Variants in UVRAG observed in about 807,000 individuals in gnomAD.
UVRAG encodes UV radiation resistance associated.
A neutral mutation model predicts 78.0 loss-of-function variants in UVRAG; 19 were observed. That is an observed-to-expected ratio of 0.24 (90% CI 0.17 to 0.36). The LOEUF (loss-of-function observed/expected upper bound fraction) is 0.36. Ranked by LOEUF, UVRAG falls within the 10% of genes least tolerant of loss-of-function variation. The probability of loss-of-function intolerance (pLI) is 1.00; values close to 1 mark genes in which losing one functional copy is unlikely to be tolerated. For missense variants in UVRAG, 740 were observed against 853.8 expected (o/e 0.87, Z 1.66); for synonymous variants, 323 against 324.6 (o/e 1.00, Z 0.05).
chr11:76,088,271 T>G (rs949970915), intron 13 of UVRAG, among the ~76,000 whole-genome samples: 2 of 152,220 alleles, frequency 1.3e-5, no homozygotes, highest in Non-Finnish European at 2.9e-5. Flanking sequence ...TTTTGTCACT[T>G]AAGTAATTCT....
intron 12 of UVRAG, among the ~76,000 whole-genome samples, chr11:76,064,015 G>A (rs552150700): frequency 6.6e-6 from 1 of 152,188 alleles, no homozygotes; most frequent in East Asian, 1.9e-4. Flanking sequence ...CCTAATATTC[G>A]ATCTGTCTTT....
intron 6 of UVRAG, among the ~76,000 whole-genome samples, chr11:75,929,255 A>G (rs1023966515): frequency 1.3e-5 from 2 of 152,214 alleles, no homozygotes; most frequent in African/African-American, 4.8e-5. Flanking sequence ...ATCAAGAAAA[A>G]GAATGCTTGT....
At chr11:75,904,354 G>C (rs557488463) in intron 5 of UVRAG, among the ~76,000 whole-genome samples, 16 of 152,260 alleles carry the variant, frequency 1.1e-4, no homozygotes, top group African/African-American at 2.9e-4. Flanking sequence ...TCTCTTCTGG[G>C]CTCTTTGGCA....
rs1263459161 is a variant in UVRAG, at chr11:75,912,308, T to G, written c.593+269T>G. ...AAAACAGACATGAACTGTTTTCTGGTCTTCTGTACCCTACAGAACAGTAAT... is the reference window on the plus strand; with the variant it reads ...AAAACAGACATGAACTGTTTTCTGGGCTTCTGTACCCTACAGAACAGTAAT... On this transcript the variant is annotated intron_variant, in intron 6 of 14. Transcript: ENST00000356136. 2.0e-5 allele frequency among the ~76,000 whole-genome samples: 3 copies of G among 152,246 alleles called. No homozygotes were observed. The East Asian group carries it at 5.8e-4, about 29-fold the overall frequency.
At chr11:76,020,649 C>CTTTTTTT (rs35112254) in intron 12 of UVRAG, among the ~76,000 whole-genome samples, 3 of 52,250 alleles carry the variant, frequency 5.7e-5, no homozygotes, top group African/African-American at 1.5e-4. Context: ...AAGAAGGAGT[C>CTTTTTTT]TTTTTTTTTT....
At chr11:75,875,243 G>A (rs1414814672) in intron 3 of UVRAG, among the ~76,000 whole-genome samples, 1 of 152,110 alleles carries the variant, frequency 6.6e-6, no homozygotes, top group Non-Finnish European at 1.5e-5. Flanking sequence ...AAAATGTTCT[G>A]AGTTCACTTT....
intron 13 of UVRAG, among the ~76,000 whole-genome samples, chr11:76,081,248 C>G (rs943590580): frequency 2.0e-5 from 3 of 152,116 alleles, no homozygotes; most frequent in Admixed American, 2.0e-4. Flanking sequence ...CTCTGTTGCC[C>G]AGGCTGGAGT....
chr11:75,964,093 G>A (rs1008519490), intron 7 of UVRAG, among the ~76,000 whole-genome samples: 7 of 152,176 alleles, frequency 4.6e-5, no homozygotes, highest in Non-Finnish European at 1.0e-4. Context: ...CCTAGGGAAA[G>A]CCCTCTTGGT....
chr11:75,978,103 G>T (rs12275611), intron 7 of UVRAG, among the ~76,000 whole-genome samples: 182 of 151,950 alleles, frequency 1.2e-3, no homozygotes, highest in African/African-American at 4.1e-3. Context: ...GTCTGTAAAG[G>T]ATTTTATTTC....
At chr11:75,829,429 T>TA in intron 1 of UVRAG, among the ~76,000 whole-genome samples, 1 of 152,372 alleles carries the variant, frequency 6.6e-6, no homozygotes, top group Non-Finnish European at 1.5e-5. Flanking sequence ...AAGATCAGTG[T>TA]AATTGAAAGA....
intron 14 of UVRAG, among the ~76,000 whole-genome samples, chr11:76,117,761 T>C (rs1190246195): frequency 6.6e-6 from 1 of 152,234 alleles, no homozygotes; most frequent in Non-Finnish European, 1.5e-5. Flanking sequence ...CAGATAGGGC[T>C]GAGCCAAGAA....
At chr11:76,014,840 A>G (rs991083483) in intron 11 of UVRAG, among the ~76,000 whole-genome samples, 1 of 152,234 alleles carries the variant, frequency 6.6e-6, no homozygotes, top group African/African-American at 2.4e-5. Flanking sequence ...TTTATAATGT[A>G]AAGTACTTTT....
In UVRAG at chr11:75,905,659, T is replaced by G. The variant is rs563397629; in HGVS notation, c.508-6295T>G. Among the ~76,000 whole-genome samples the G allele has an allele frequency of 1.0e-3, 156 of 152,300 alleles. 1 individual carries two copies. The highest frequency in any genetic ancestry group is 3.4e-3 in the African/African-American group (142 of 41,564). ...GGGCTGAGTAATATTCTATTGCATG[T>G]GTACACACACAGAGACACACACACA... On this transcript the variant is annotated intron_variant, in intron 5 of 14. Transcript: ENST00000356136.
intron 12 of UVRAG, among the ~76,000 whole-genome samples, chr11:76,055,916 A>C (rs954076208): frequency 6.6e-6 from 1 of 152,108 alleles, no homozygotes; most frequent in African/African-American, 2.4e-5. Context: ...TCACTGTGTT[A>C]GCCAGGATGG....
At chr11:75,962,007 C>A (rs914772416) in intron 7 of UVRAG, among the ~76,000 whole-genome samples, 4 of 152,116 alleles carry the variant, frequency 2.6e-5, no homozygotes, top group African/African-American at 7.2e-5. Flanking sequence ...AAATAGAAAT[C>A]CTAACCCAAA....
intron 6 of UVRAG, chr11:75,942,580 C>G (rs1158714071): frequency 1.3e-5 from 2 of 152,036 alleles, no homozygotes; most frequent in Admixed American, 1.3e-4. Flanking sequence ...CTAATAATTT[C>G]TTTTTCAAAT....
chr11:76,124,123 CAT>C (rs1343004439), intron 14 of UVRAG, among the ~76,000 whole-genome samples: 4 of 152,196 alleles, frequency 2.6e-5, no homozygotes, highest in Non-Finnish European at 5.9e-5. Context: ...ATTTCCCAAG[CAT>C]AGTTTTTGTA....
intron 8 of UVRAG, among the ~76,000 whole-genome samples, chr11:75,995,348 A>G (rs1949685646): frequency 6.6e-6 from 1 of 152,058 alleles, no homozygotes; most frequent in Non-Finnish European, 1.5e-5. Flanking sequence ...TTTTGGTGGC[A>G]GTGAATAGGA....
At chr11:76,037,379 T>G (rs1950553521) in intron 12 of UVRAG, among the ~76,000 whole-genome samples, 1 of 151,994 alleles carries the variant, frequency 6.6e-6, no homozygotes, top group African/African-American at 2.4e-5. Flanking sequence ...AGATACTTAT[T>G]TAGAAAGGCA....
Sources: gnomAD v4.1 joint callset for allele counts (sites outside exome capture counted in the v4.1 genomes callset) on GRCh38, gnomAD v4.1.1 for gene constraint, MANE v1.5 for transcripts, NCBI Gene and HGNC (gene_info 2026-07-23, HGNC 2026-07-21) for gene names.